Variants in RGS7 observed in about 807,000 individuals in gnomAD.
RGS7 encodes the protein regulator of G protein signaling 7, also known as regulator of G-protein signaling 7.
RGS7 carries 27 observed loss-of-function variants against 81.1 expected under a neutral mutation model. The ratio of observed to expected loss-of-function variants is 0.33; its 90% CI spans 0.25 to 0.46. The LOEUF (loss-of-function observed/expected upper bound fraction) is 0.46. Among genes scored for constraint, RGS7 ranks in the 20% least tolerant of loss-of-function variants. The pLI, the probability that RGS7 is intolerant of heterozygous loss-of-function variation, is 1.00. For missense variants in RGS7, 396 were observed against 607.4 expected, an observed-to-expected ratio of 0.65 and a Z score of 3.66; for synonymous variants, 208 against 207.7, an observed-to-expected ratio of 1.00 and a Z score of -0.01.
chr1:240,928,406 A>C (rs1674832059), intron 6 of RGS7, among the ~76,000 whole-genome samples: 1 of 152,106 alleles, frequency 6.6e-6, no homozygotes, highest in South Asian at 2.1e-4. Context: ...TTTTGGGACG[A>C]TCTACTTTAA....
rs541555728 is a variant in RGS7 at position 241,090,011 on chromosome 1, A to AAAG, written c.175+8654_175+8655insCTT. Among the ~76,000 whole-genome samples, 75 of 141,798 alleles carry AAAG rather than the reference A, an allele frequency of 5.3e-4. 1 individual carries two copies. The highest frequency in any genetic ancestry group is 3.6e-3 in the Middle Eastern group (1 of 278). 93.0% of individuals were successfully genotyped at this position (141,798 alleles called of 152,430 possible). On this transcript the variant is annotated intron_variant, in intron 3 of 18. Transcript: ENST00000440928. ...TCCATCTCAAAAAAAAAAAAAAAAA[A>AAAG]AGAGAGAGAGAACAGGAAAACTTTT...
chr1:240,827,192 G>C lies in RGS7; in HGVS notation c.610-20C>G. 1 of 1,583,414 alleles carries C rather than the reference G, an allele frequency of 6.3e-7. No individual in the cohort carries two copies. Among genetic ancestry groups the C allele is most frequent in the Non-Finnish European group, 8.7e-7 (1 of 1,152,066 alleles). On this transcript the variant is annotated intron_variant, in intron 9 of 18. Transcript: ENST00000440928. The stretch of plus-strand genomic sequence containing the variant: ...TCCAGGCTGGGAATGGAAAAACAGA[G>C]AGACAAATGAATCTTTGGGTGTGAA...
chr1:240,850,945 AG>A (rs1659992128), intron 9 of RGS7, among the ~76,000 whole-genome samples: 1 of 152,208 alleles, frequency 6.6e-6, no homozygotes, highest in African/African-American at 2.4e-5. Context: ...AAACTAGCAG[AG>A]GTTGGTTCAT....
At chr1:240,861,117 G>T (rs1212147651) in intron 9 of RGS7, among the ~76,000 whole-genome samples, 1 of 152,064 alleles carries the variant, frequency 6.6e-6, no homozygotes, top group East Asian at 1.9e-4. Context: ...CAAGTGATCT[G>T]GTCAGGGTCA....
At chr1:240,827,481 G>A (rs1272374769) in intron 9 of RGS7, among the ~76,000 whole-genome samples, 4 of 152,160 alleles carry the variant, frequency 2.6e-5, no homozygotes, top group South Asian at 2.1e-4. Flanking sequence ...CGACAAACCC[G>A]ACAGACAGAG....
intron 2 of RGS7, among the ~76,000 whole-genome samples, chr1:241,153,062 A>G (rs948080508): frequency 6.6e-6 from 1 of 152,248 alleles, no homozygotes; most frequent in African/African-American, 2.4e-5. Flanking sequence ...AACTTGGGGT[A>G]ATACAAATAA....
chr1:240,787,761 T>C (rs1326755705), intron 18 of RGS7, among the ~76,000 whole-genome samples: 2 of 152,050 alleles, frequency 1.3e-5, no homozygotes, highest in Non-Finnish European at 1.5e-5. Context: ...CAACATACAC[T>C]AAAGTGAATA....
intron 2 of RGS7, among the ~76,000 whole-genome samples, chr1:241,329,641 G>A (rs2081843257): frequency 6.6e-6 from 1 of 152,130 alleles, no homozygotes. Flanking sequence ...TGACCATAAA[G>A]TGCCTAATTG....
intron 5 of RGS7, among the ~76,000 whole-genome samples, chr1:240,934,403 C>A (rs1004362434): frequency 6.6e-6 from 1 of 152,186 alleles, no homozygotes; most frequent in Non-Finnish European, 1.5e-5. Context: ...AGAACTTTCG[C>A]TGCTTGGAAC....
chr1:241,260,582 T>C (rs1024459479), intron 2 of RGS7, among the ~76,000 whole-genome samples: 20 of 152,276 alleles, frequency 1.3e-4, no homozygotes, highest in Non-Finnish European at 2.2e-4. Flanking sequence ...TTTCTCAGTT[T>C]TTGTGTGTAG....
At chr1:240,874,447 C>T (rs1169210103) in intron 6 of RGS7, among the ~76,000 whole-genome samples, 1 of 152,134 alleles carries the variant, frequency 6.6e-6, no homozygotes, top group African/African-American at 2.4e-5. Context: ...ATTTTTATTA[C>T]ATTTTTCATT....
chr1:241,125,642 CA>C (rs1190698858), intron 2 of RGS7, among the ~76,000 whole-genome samples: 6 of 139,556 alleles, frequency 4.3e-5, no homozygotes, highest in African/African-American at 1.6e-4. Flanking sequence ...ACAAAAAAAA[CA>C]CTCTCTTTTT....
rs2063490883 is a variant in RGS7 at position 241,087,028 on chromosome 1, C to T, written c.175+11638G>A. On this transcript the variant is annotated intron_variant, in intron 3 of 18. Transcript: ENST00000440928. ...GGTTTACCTCTATTGTGGAAATTAT[C>T]TCACTTTCTTGATTTGTCCTTCTCC... 2.0e-5 allele frequency among the ~76,000 whole-genome samples: 3 copies of T among 152,322 alleles called. 1 individual carries two copies. The highest frequency in any genetic ancestry group is 6.8e-3 in the Middle Eastern group (2 of 294).
At chr1:240,935,691 T>C (rs1203893679) in intron 5 of RGS7, among the ~76,000 whole-genome samples, 1 of 152,238 alleles carries the variant, frequency 6.6e-6, no homozygotes, top group Non-Finnish European at 1.5e-5. Context: ...TATTTCCTCT[T>C]TGTTCTCAGT....
Position 240,801,450 on chromosome 1 carries a change from C to T in RGS7, c.1413+5G>A. The T allele has an allele frequency of 1.9e-6, 3 of 1,588,640 alleles. No homozygotes were observed. The highest frequency in any genetic ancestry group is 1.7e-6 in the Non-Finnish European group (2 of 1,158,464). Reference sequence around the variant, plus strand: ...ATTCATAATTCCTCAAAAAATTAAACTTACCACATTCTGTGCAAATTTTTC... The same window carrying T: ...ATTCATAATTCCTCAAAAAATTAAATTTACCACATTCTGTGCAAATTTTTC... On this transcript the variant is annotated splice_donor_5th_base_variant and intron_variant, in intron 17 of 18. Transcript: ENST00000440928.
At chr1:240,867,238 T>C (rs780855967) in intron 9 of RGS7, among the ~76,000 whole-genome samples, 99 of 152,314 alleles carry the variant, frequency 6.5e-4, no homozygotes, top group Non-Finnish European at 1.2e-3. Flanking sequence ...AATATGTACA[T>C]ATATAAACAA....
chr1:240,859,622 C>T (rs1383685637), intron 9 of RGS7, among the ~76,000 whole-genome samples: 5 of 151,626 alleles, frequency 3.3e-5, no homozygotes, highest in African/African-American at 1.2e-4. Flanking sequence ...GTTAACCTGG[C>T]TAGAGGATTA....
chr1:241,064,423 CAAAAAA>C (rs557864611), intron 3 of RGS7, among the ~76,000 whole-genome samples: 1 of 95,238 alleles, frequency 1.0e-5, no homozygotes, highest in Non-Finnish European at 2.1e-5. Context: ...CAGTCTCTAC[CAAAAAA>C]AAAAAAAAAA....
chr1:241,116,395 C>T (rs1049402638), intron 2 of RGS7, among the ~76,000 whole-genome samples: 1 of 151,856 alleles, frequency 6.6e-6, no homozygotes, highest in Non-Finnish European at 1.5e-5. Context: ...GAAAAGGTAC[C>T]GTATATAGGT....
Sources: gnomAD v4.1 joint callset for allele counts (sites outside exome capture counted in the v4.1 genomes callset) on GRCh38, gnomAD v4.1.1 for gene constraint, MANE v1.5 for transcripts, NCBI Gene and HGNC (gene_info 2026-07-23, HGNC 2026-07-21) for gene names.